DENND6B: variants seen among roughly 807,000 people sequenced by gnomAD.
DENND6B encodes the protein protein DENND6B.
Under a neutral mutation model 85.1 loss-of-function variants are expected in DENND6B, and 73 were observed. The observed-to-expected ratio is 0.86, with a 90% CI of 0.71 to 1.04. The LOEUF is 1.04. DENND6B is among the 50% of genes least tolerant of loss of function. The pLI is 0.00. For missense variants in DENND6B, 715 were observed against 785.8 expected, an observed-to-expected ratio of 0.91 and a Z score of 1.08; for synonymous variants, 357 against 329.3, an observed-to-expected ratio of 1.08 and a Z score of -0.91.
At position 50,318,013 on chromosome 22, in the gene DENND6B, A is replaced by G; in HGVS notation, c.267T>C (p.Leu89=). The G allele has an allele frequency of 6.2e-7, 1 of 1,612,142 alleles. No homozygotes were observed. The highest frequency in any genetic ancestry group is 8.5e-7 in the Non-Finnish European group (1 of 1,179,570). Residue 89 remains leucine, a synonymous_variant, in exon 4 of 20, where the codon CTT becomes CTC. Transcript: ENST00000413817. Reference sequence around the variant, plus strand: ...TGCGGAAGCTGAACTGAGTGTCTCCAAGGCAGCCTAAGAAGGGGCAGCCCC... The same window carrying G: ...TGCGGAAGCTGAACTGAGTGTCTCCGAGGCAGCCTAAGAAGGGGCAGCCCC... The part of the protein sequence containing the change: ...LSFPDSHSGC[L]GDTQFSFRMR...
intron 1 of DENND6B, among the ~76,000 whole-genome samples, chr22:50,325,669 G>T (rs1433795442): frequency 6.6e-6 from 1 of 152,116 alleles, no homozygotes; most frequent in Admixed American, 6.6e-5. Context: ...ATTTTGTGGG[G>T]AACAATCTGG....
chr22:50,317,130 G>A, intron 5 of DENND6B, 163 bp downstream of exon 5: 1 of 644,296 alleles, frequency 1.6e-6, no homozygotes, highest in Non-Finnish European at 2.7e-6. Context: ...GGCGAGGACA[G>A]GGTGGGGGGG....
In DENND6B at chr22:50,313,068, A is replaced by T; in HGVS notation, c.1388T>A (p.Leu463Gln). ...GGGCCCAGCATGCTCCAGGCTACGC[A>T]GGAAGTCATCCTGGCTGAAGGGCTG... is the stretch of plus-strand genomic sequence containing the variant. ...QIQPFSQDDF[L>Q]RSLEHAGPQL... The change falls in exon 17 of 20, where the codon CTG (leucine) becomes CAG (glutamine). Residue 463 changes from leucine to glutamine, a missense_variant. Transcript: ENST00000413817. The T allele has an allele frequency of 6.4e-7, 1 of 1,559,940 alleles. No individual in the cohort carries two copies. The highest frequency in any genetic ancestry group is 8.7e-7 in the Non-Finnish European group (1 of 1,152,644).
At chr22:50,318,485 T>C (rs1283270789) in intron 3 of DENND6B, among the ~76,000 whole-genome samples, 2 of 152,192 alleles carry the variant, frequency 1.3e-5, no homozygotes, top group Non-Finnish European at 2.9e-5. Context: ...CTCTGGGAGA[T>C]TGGCTTGACC....
In DENND6B at chr22:50,316,395, G is replaced by C. The variant is rs779301016; in HGVS notation, c.534C>G (p.Asp178Glu). Residue 178 changes from aspartate to glutamate, a missense_variant, in exon 6 of 20, where the codon GAC becomes GAG. Physicochemically the swap from Asp to Glu is conservative, Grantham distance 45. Coordinates refer to ENST00000413817, the MANE Select transcript of DENND6B (RefSeq NM_001001794.4). Reference sequence around the variant, plus strand: ...CTGCTTCCAGGCAGGGCGCCAGCTTGTCAAAGTACTCGGGGGCGATGAGGC... The same window carrying C: ...CTGCTTCCAGGCAGGGCGCCAGCTTCTCAAAGTACTCGGGGGCGATGAGGC... ...LLSLIAPEYF[D>E]KLAPCLEAVC... 7 of 1,583,142 alleles carry C rather than the reference G, an allele frequency of 4.4e-6. No homozygotes were observed. The highest frequency in any genetic ancestry group is 2.7e-5 in the African/African-American group (2 of 74,152).
intron 1 of DENND6B, among the ~76,000 whole-genome samples, chr22:50,325,525 T>A (rs2042166958): frequency 1.3e-5 from 2 of 151,964 alleles, no homozygotes; most frequent in South Asian, 4.1e-4. Context: ...TTAGTGGAGA[T>A]GTGGTTTCAC....
intron 1 of DENND6B, among the ~76,000 whole-genome samples, chr22:50,319,895 G>A (rs1460036595): frequency 6.6e-6 from 1 of 152,280 alleles, no homozygotes; most frequent in Non-Finnish European, 1.5e-5. Context: ...ATGATGCTAA[G>A]CAGGCGCTGA....
rs546712364 is a variant in DENND6B, at chr22:50,317,685, T to C, written c.372+223A>G. ...CAGGTGCCCAGCCACAGATGTGTGG[T>C]GCCAAGGAAAAGTCCCAGGGACCCT... is the stretch of plus-strand genomic sequence containing the variant. On this transcript the variant is annotated intron_variant, in intron 4 of 19. Coordinates refer to ENST00000413817, the MANE Select transcript of DENND6B (RefSeq NM_001001794.4). Among the ~76,000 whole-genome samples, 9 of 152,090 alleles carry C rather than the reference T, an allele frequency of 5.9e-5. No homozygotes were observed. In the South Asian group the frequency reaches 1.9e-3, roughly 32 times the overall value.
At chr22:50,317,451 G>A in intron 4 of DENND6B, 78 bp from the exon 5 acceptor site, 1 of 1,512,718 alleles carries the variant, frequency 6.6e-7, no homozygotes. Flanking sequence ...GTGGCAAGGA[G>A]CATGCAGGGA....
intron 1 of DENND6B, among the ~76,000 whole-genome samples, chr22:50,324,353 G>GT (rs1569210450): frequency 6.6e-6 from 1 of 152,220 alleles, no homozygotes; most frequent in East Asian, 1.9e-4. Flanking sequence ...AAGGGCAAGA[G>GT]CCTTGTCTAC....
intron 1 of DENND6B, among the ~76,000 whole-genome samples, chr22:50,325,485 T>C (rs2042165961): frequency 6.6e-6 from 1 of 151,938 alleles, no homozygotes; most frequent in African/African-American, 2.4e-5. Flanking sequence ...TACAGGAGTG[T>C]GCCACCTCGC....
chr22:50,316,551 C>T (rs545305642), intron 5 of DENND6B, 76 bp from the exon 6 acceptor site: 40 of 1,547,376 alleles, frequency 2.6e-5, no homozygotes, highest in Admixed American at 2.4e-4. Context: ...CGGGGACCAC[C>T]GAAGCCACGC....
chr22:50,318,910 G>C, intron 2 of DENND6B, 21 bp from the exon 3 acceptor site: 1 of 1,612,264 alleles, frequency 6.2e-7, no homozygotes, highest in Non-Finnish European at 8.5e-7. Context: ...TAAAACCCCG[G>C]TGAGGGCCGA....
chr22:50,313,614 TC>T lies in DENND6B; in HGVS notation c.1293+20del. Reference sequence around the variant, plus strand: ...CAGCCCCGTGCCCCCCAGTCCCATGTCCCCCAGCCCCGGGCCTCACCAGGGG... The same window carrying T: ...CAGCCCCGTGCCCCCCAGTCCCATGTCCCCAGCCCCGGGCCTCACCAGGGG... On this transcript the variant is annotated intron_variant, in intron 15 of 19. Coordinates refer to ENST00000413817, the MANE Select transcript of DENND6B (RefSeq NM_001001794.4). The T allele has an allele frequency of 7.7e-7, 1 of 1,302,608 alleles. No homozygotes were observed. The allele number at this position is 1,302,608 out of a possible 1,614,324, so 80.7% of individuals were successfully genotyped here.
rs768302783 is a variant in DENND6B, at chr22:50,312,141, A to C, written c.1756T>G (p.Ter586GluextTer52). 32 of 1,611,988 alleles carry C rather than the reference A, an allele frequency of 2.0e-5. No homozygotes were observed. Among genetic ancestry groups the C allele is most frequent in the Non-Finnish European group, 2.7e-5 (32 of 1,179,654 alleles). Reference protein sequence around the residue: ...KDLQAVLCPP* With the variant: ...KDLQAVLCPPE The stretch of plus-strand genomic sequence containing the variant: ...GGACCGTGGCCCTTGGCTTTGTTCT[A>C]GGGAGGGCACAAGACAGCCTGCAGG... The change falls in exon 20 of 20, where the codon TAG becomes GAG. Residue 586 changes from the stop codon to glutamate (E), a stop_lost. Coordinates refer to ENST00000413817, the MANE Select transcript of DENND6B (RefSeq NM_001001794.4).
intron 18 of DENND6B, 37 bp from the exon 19 acceptor site, chr22:50,312,454 C>T (rs1347393790): frequency 1.9e-6 from 3 of 1,594,652 alleles, no homozygotes; most frequent in African/African-American, 2.7e-5. Flanking sequence ...CAGCAAGGCC[C>T]CTCACTGCCC....
chr22:50,326,879 C>T lies in DENND6B; in HGVS notation c.110G>A (p.Arg37His), dbSNP rs1601844222. ...CACACACTCCAGCCAGGCGGAGAAG[C>T]GCGCCCAGGGCGCCGCCGGGGTCCG... Reference protein sequence around the residue: ...AARTPAAPWARFSAWLECVCV... With the variant: ...AARTPAAPWAHFSAWLECVCV... The change falls in exon 1 of 20, where the codon CGC becomes CAC. Residue 37 changes from arginine (R) to histidine (H), a missense_variant. By Grantham distance (29) the Arg-to-His change is conservative. Transcript: ENST00000413817. The T allele has an allele frequency of 7.0e-7, 1 of 1,418,966 alleles. No homozygotes were observed. Among genetic ancestry groups the T allele is most frequent in the Non-Finnish European group, 9.2e-7 (1 of 1,087,080 alleles). The allele number at this position is 1,418,966 out of a possible 1,614,324, so 87.9% of individuals were successfully genotyped here. A position where few individuals can be genotyped will look rare whatever the true frequency, so the allele number is the denominator to read the frequency against.
chr22:50,312,866 C>T lies in DENND6B; in HGVS notation c.1457+133G>A. ...CCCTGGGGATTGACAGGCGGGGGGCCATGGGGCTGACCCTGGGGATTGACA... is the reference window on the plus strand; with the variant it reads ...CCCTGGGGATTGACAGGCGGGGGGCTATGGGGCTGACCCTGGGGATTGACA... On this transcript the variant is annotated intron_variant, in intron 17 of 19. Transcript: ENST00000413817. 3 of 328,164 alleles carry T rather than the reference C, an allele frequency of 9.1e-6. No individual in the cohort carries two copies. In the East Asian group the frequency reaches 1.4e-4, roughly 15 times the overall value. The allele number at this position is 328,164 out of a possible 1,614,324, so 20.3% of individuals were successfully genotyped here.
intron 9 of DENND6B, 146 bp downstream of exon 9, chr22:50,315,568 C>G (rs2041781539): frequency 1.0e-6 from 1 of 989,768 alleles, no homozygotes; most frequent in Non-Finnish European, 1.5e-6. Flanking sequence ...ATGGCGCTGG[C>G]CATACACACA....
Sources: allele counts gnomAD v4.1 joint callset (sites outside exome capture counted in the v4.1 genomes callset), GRCh38; gene constraint gnomAD v4.1.1; transcripts MANE v1.5; gene names NCBI Gene and HGNC (gene_info 2026-07-23, HGNC 2026-07-21).